The following DNER variants were observed in gnomAD, a reference collection of about 807,000 sequenced individuals.
The protein encoded by DNER is delta/notch like EGF repeat containing.
DNER carries 33 observed loss-of-function variants against 78.2 expected under a neutral mutation model. The ratio of observed to expected loss-of-function variants is 0.42; its 90% CI spans 0.32 to 0.56. The LOEUF (loss-of-function observed/expected upper bound fraction) is 0.56, where lower values mean the gene tolerates loss of function less well. Ranked by LOEUF, DNER falls within the 20% of genes least tolerant of loss-of-function variation. The pLI, the probability that DNER is intolerant of heterozygous loss-of-function variation, is 0.11. For missense variants in DNER, 918 were observed against 975.3 expected (o/e 0.94, Z 0.78); for synonymous variants, 417 against 384.8 (o/e 1.08, Z -0.98).
At chr2:229,605,713 C>T (rs1401502213) in intron 1 of DNER, among the ~76,000 whole-genome samples, 1 of 119,906 alleles carries the variant, frequency 8.3e-6, no homozygotes, top group African/African-American at 3.4e-5. Context: ...CATGGCGAAA[C>T]CCCATCTCTA....
chr2:229,460,825 G>A (rs544064077), intron 7 of DNER, among the ~76,000 whole-genome samples: 20 of 151,854 alleles, frequency 1.3e-4, no homozygotes, highest in Middle Eastern at 3.4e-3. Context: ...AAGGTCAAAT[G>A]TTACAAACAT....
chr2:229,413,951 C>T (rs1574832604), intron 9 of DNER, among the ~76,000 whole-genome samples: 2 of 151,940 alleles, frequency 1.3e-5, no homozygotes, highest in Non-Finnish European at 2.9e-5. Flanking sequence ...CTGACAGTTT[C>T]CTGAATGTAT....
intron 8 of DNER, among the ~76,000 whole-genome samples, chr2:229,423,000 TGAG>T (rs1272263892): frequency 6.6e-6 from 1 of 151,978 alleles, no homozygotes; most frequent in Non-Finnish European, 1.5e-5. Flanking sequence ...GACTAGAAAA[TGAG>T]GAGGTCACTG....
chr2:229,456,929 A>G (rs1418518239), intron 7 of DNER, among the ~76,000 whole-genome samples: 1 of 152,132 alleles, frequency 6.6e-6, no homozygotes, highest in Non-Finnish European at 1.5e-5. Context: ...AGAAAAAAAA[A>G]GACATGATAC....
intron 5 of DNER, among the ~76,000 whole-genome samples, chr2:229,530,122 A>T (rs973592947): frequency 1.4e-4 from 22 of 152,360 alleles, no homozygotes; most frequent in Middle Eastern, 6.8e-3. Context: ...AAGCAAAAAA[A>T]AATTTTAAGT....
intron 5 of DNER, among the ~76,000 whole-genome samples, chr2:229,518,199 C>T (rs1421003200): frequency 6.6e-6 from 1 of 152,180 alleles, no homozygotes; most frequent in Admixed American, 6.5e-5. Context: ...GGTATCTTTA[C>T]TCAGCATTAT....
At chr2:229,573,249 G>C (rs1362911406) in intron 4 of DNER, among the ~76,000 whole-genome samples, 1 of 152,204 alleles carries the variant, frequency 6.6e-6, no homozygotes, top group Non-Finnish European at 1.5e-5. Context: ...TGTGAGGATT[G>C]CTTGTGAAGA....
chr2:229,390,462 C>A (rs547762365), intron 10 of DNER, among the ~76,000 whole-genome samples: 1 of 152,360 alleles, frequency 6.6e-6, no homozygotes, highest in South Asian at 2.1e-4. Flanking sequence ...AGCCCCCATG[C>A]ACGTATTAAA....
At chr2:229,477,538 T>C (rs556846220) in intron 6 of DNER, among the ~76,000 whole-genome samples, 16 of 152,316 alleles carry the variant, frequency 1.1e-4, no homozygotes, top group African/African-American at 3.6e-4. Context: ...GAAATATCAG[T>C]CGGAACTTTC....
At chr2:229,379,860 C>T (rs1692695158) in intron 11 of DNER, among the ~76,000 whole-genome samples, 2 of 152,160 alleles carry the variant, frequency 1.3e-5, no homozygotes, top group Non-Finnish European at 2.9e-5. Flanking sequence ...AACTACAGTC[C>T]CTTAGAATTT....
At chr2:229,542,521 G>T (rs1224672802) in intron 5 of DNER, among the ~76,000 whole-genome samples, 1 of 151,854 alleles carries the variant, frequency 6.6e-6, no homozygotes, top group Non-Finnish European at 1.5e-5. Flanking sequence ...TTATTTTGAT[G>T]GATGATCTAA....
intron 5 of DNER, among the ~76,000 whole-genome samples, chr2:229,535,631 G>T (rs1696387916): frequency 6.6e-6 from 1 of 152,014 alleles, no homozygotes; most frequent in Non-Finnish European, 1.5e-5. Flanking sequence ...GGAAGGAGAT[G>T]TTGTAAAGCC....
intron 4 of DNER, among the ~76,000 whole-genome samples, chr2:229,579,563 G>A (rs949929615): frequency 1.3e-5 from 2 of 152,034 alleles, no homozygotes; most frequent in African/African-American, 4.8e-5. Context: ...ACAATTTTTA[G>A]GGACTCAGAT....
chr2:229,379,208 G>C (rs1007372429), intron 11 of DNER, among the ~76,000 whole-genome samples: 2 of 152,134 alleles, frequency 1.3e-5, no homozygotes, highest in African/African-American at 4.8e-5. Flanking sequence ...TCCTTCCTGG[G>C]AGTAGCTCAT....
chr2:229,453,920 T>TAAAAAAAAAAAAA (rs10602558), intron 7 of DNER, among the ~76,000 whole-genome samples: 2 of 106,864 alleles, frequency 1.9e-5, no homozygotes, highest in African/African-American at 3.3e-5. Context: ...TAAAATATAT[T>TAAAAAAAAAAAAA]AAAAAAAAAA....
chr2:229,665,688 G>T (rs774402496), intron 1 of DNER, among the ~76,000 whole-genome samples: 3 of 152,134 alleles, frequency 2.0e-5, no homozygotes, highest in Non-Finnish European at 4.4e-5. Flanking sequence ...CCAAAGCAAT[G>T]CATAGCTGGA....
In DNER at chr2:229,473,024, T is replaced by A. The variant is rs199721210; in HGVS notation, c.1261+4116A>T. 1.7e-4 allele frequency among the ~76,000 whole-genome samples: 26 copies of A among 152,270 alleles called. 1 individual carries two copies. The East Asian group carries it at 4.8e-3, about 28-fold the overall frequency. ...ACAGAGACAGTACCCAGAACAGATG[T>A]TCAATCTCTACGGGCCTACCCAGGT... On this transcript the variant is annotated intron_variant, in intron 7 of 12. Transcript: ENST00000341772.
intron 4 of DNER, among the ~76,000 whole-genome samples, chr2:229,583,400 G>A (rs537377009): frequency 2.0e-5 from 3 of 152,318 alleles, no homozygotes; most frequent in African/African-American, 4.8e-5. Context: ...ATAATAAAGT[G>A]TTGAATATCT....
chr2:229,654,005 T>C (rs1698866892), intron 1 of DNER, among the ~76,000 whole-genome samples: 1 of 152,222 alleles, frequency 6.6e-6, no homozygotes, highest in Non-Finnish European at 1.5e-5. Context: ...CTGTGGTACA[T>C]ATGCACAACG....
Sources: gnomAD v4.1 joint callset for allele counts (sites outside exome capture counted in the v4.1 genomes callset) on GRCh38, gnomAD v4.1.1 for gene constraint, MANE v1.5 for transcripts, NCBI Gene and HGNC (gene_info 2026-07-23, HGNC 2026-07-21) for gene names.